ROBO2: variants seen among roughly 807,000 people sequenced by gnomAD.
ROBO2 encodes the protein roundabout homolog 2.
A neutral mutation model predicts 160.8 loss-of-function variants in ROBO2; 53 were observed. The observed-to-expected ratio is 0.33, with a 90% confidence interval of 0.26 to 0.41. The LOEUF (loss-of-function observed/expected upper bound fraction) is 0.41. ROBO2 is among the 10% of genes least tolerant of loss of function. ROBO2 has a pLI of 1.00. For synonymous variants in ROBO2, 664 were observed against 611.7 expected (o/e 1.09, Z -1.26); for missense variants, 1,577 against 1,722.4 (o/e 0.92, Z 1.49).
chr3:77,410,543 TTCCTCCTCTTCTTCCTCCTCTTCTTCC>T (rs2076635408), intron 2 of ROBO2, among the ~76,000 whole-genome samples: 1 of 59,984 alleles, frequency 1.7e-5, no homozygotes, highest in Admixed American at 1.5e-4. Context: ...CCTCCTCTTC[TTCCTCCTCTTCTTCCTCCTCTTCTTCC>T]TCCTCCTCTT....
At chr3:76,418,491 G>T (rs554788396) in intron 2 of ROBO2, among the ~76,000 whole-genome samples, 4 of 152,138 alleles carry the variant, frequency 2.6e-5, no homozygotes, top group South Asian at 2.1e-4. Flanking sequence ...CACCCGCCTC[G>T]GCCTCCCAAG....
At chr3:76,603,331 C>CAAAAAAAAAAAAAAAAAAAAA in intron 2 of ROBO2, among the ~76,000 whole-genome samples, 1 of 37,192 alleles carries the variant, frequency 2.7e-5, no homozygotes, top group African/African-American at 1.4e-4. Flanking sequence ...GACTCCATCT[C>CAAAAAAAAAAAAAAAAAAAAA]CAAAAAAAAA....
intron 11 of ROBO2, among the ~76,000 whole-genome samples, chr3:77,563,596 G>C (rs1278600359): frequency 2.0e-5 from 3 of 152,048 alleles, no homozygotes; most frequent in Non-Finnish European, 4.4e-5. Flanking sequence ...TCTTTACCCA[G>C]ACCATTGTAG....
intron 2 of ROBO2, among the ~76,000 whole-genome samples, chr3:77,294,884 T>G (rs1173168604): frequency 6.6e-6 from 1 of 151,418 alleles, no homozygotes; most frequent in Non-Finnish European, 1.5e-5. Context: ...AAAGTAAAAT[T>G]GACAGTTAAA....
chr3:76,285,627 T>G (rs1708470816), intron 2 of ROBO2, among the ~76,000 whole-genome samples: 1 of 152,102 alleles, frequency 6.6e-6, no homozygotes, highest in South Asian at 2.1e-4. Context: ...AGAAAAGGCA[T>G]GAAAATAAGA....
At chr3:75,916,758 T>A (rs1203385507) in intron 1 of ROBO2, among the ~76,000 whole-genome samples, 1 of 151,896 alleles carries the variant, frequency 6.6e-6, no homozygotes, top group East Asian at 1.9e-4. Context: ...AAGGGGGAGA[T>A]AATGGTTAAA....
chr3:77,281,674 A>C (rs1214351647), intron 2 of ROBO2, among the ~76,000 whole-genome samples: 2 of 152,158 alleles, frequency 1.3e-5, no homozygotes, highest in African/African-American at 4.8e-5. Context: ...ATATACTTTA[A>C]ATCAGATGTC....
At chr3:77,014,800 A>G (rs781278865) in intron 2 of ROBO2, among the ~76,000 whole-genome samples, 9 of 152,026 alleles carry the variant, frequency 5.9e-5, no homozygotes, top group Non-Finnish European at 1.2e-4. Context: ...GAGAGAAAGA[A>G]AGCCAGCTTA....
chr3:77,476,007 C>G (rs2083951564), intron 2 of ROBO2, among the ~76,000 whole-genome samples: 1 of 152,204 alleles, frequency 6.6e-6, no homozygotes, highest in Non-Finnish European at 1.5e-5. Context: ...TTATTTCTTA[C>G]TGCTCCTTCA....
chr3:76,958,288 C>T (rs2079420292), intron 2 of ROBO2, among the ~76,000 whole-genome samples: 1 of 152,160 alleles, frequency 6.6e-6, no homozygotes, highest in African/African-American at 2.4e-5. Flanking sequence ...TTACCTCCTC[C>T]TCCCCATATT....
At chr3:76,717,982 A>G (rs2093409042) in intron 2 of ROBO2, among the ~76,000 whole-genome samples, 1 of 152,350 alleles carries the variant, frequency 6.6e-6, no homozygotes, top group Middle Eastern at 3.4e-3. Context: ...TTCAACTGAT[A>G]TAAGTATCAC....
At chr3:77,519,125 T>G (rs2090329866) in intron 5 of ROBO2, among the ~76,000 whole-genome samples, 1 of 151,436 alleles carries the variant, frequency 6.6e-6, no homozygotes. Context: ...AATATTTAAT[T>G]TTAACTTTTC....
intron 2 of ROBO2, among the ~76,000 whole-genome samples, chr3:76,498,541 TA>T (rs917739987): frequency 1.7e-4 from 26 of 151,812 alleles, no homozygotes; most frequent in Non-Finnish European, 3.7e-4. Flanking sequence ...TATATATTTC[TA>T]AATATTCTGT....
intron 4 of ROBO2, among the ~76,000 whole-genome samples, chr3:77,484,623 C>T (rs779892304): frequency 7.3e-5 from 11 of 151,648 alleles, no homozygotes; most frequent in Non-Finnish European, 1.6e-4. Flanking sequence ...TGTGCTTAAT[C>T]TGCTATTTAT....
At chr3:76,100,606 A>AAC (rs2069644175) in intron 2 of ROBO2, among the ~76,000 whole-genome samples, 1 of 152,218 alleles carries the variant, frequency 6.6e-6, no homozygotes, top group Non-Finnish European at 1.5e-5. Flanking sequence ...ATTGGGGGAT[A>AAC]TTAAGGAAAA....
intron 5 of ROBO2, among the ~76,000 whole-genome samples, chr3:77,514,792 A>G (rs879503277): frequency 6.6e-6 from 1 of 151,788 alleles, no homozygotes; most frequent in Admixed American, 6.6e-5. Context: ...TTAATATTAA[A>G]CATGGACCAA....
chr3:76,543,934 G>GAA (rs2082950355), intron 2 of ROBO2, among the ~76,000 whole-genome samples: 2 of 151,838 alleles, frequency 1.3e-5, no homozygotes, highest in Non-Finnish European at 2.9e-5. Flanking sequence ...GATCTTCAGG[G>GAA]GAAAAATATG....
At chr3:76,340,612 C>T (rs1330111023) in intron 2 of ROBO2, among the ~76,000 whole-genome samples, 1 of 152,074 alleles carries the variant, frequency 6.6e-6, no homozygotes, top group Non-Finnish European at 1.5e-5. Flanking sequence ...CATTCTAGGT[C>T]ACAAAGCATA....
At chr3:77,328,123 C>G (rs2065621821) in intron 2 of ROBO2, among the ~76,000 whole-genome samples, 1 of 151,024 alleles carries the variant, frequency 6.6e-6, no homozygotes, top group Admixed American at 6.6e-5. Flanking sequence ...CCTGTTTACT[C>G]ACCCGCTTTT....
Sources: gnomAD v4.1 joint callset for allele counts (sites outside exome capture counted in the v4.1 genomes callset) on GRCh38, gnomAD v4.1.1 for gene constraint, MANE v1.5 for transcripts, NCBI Gene and HGNC (gene_info 2026-07-23, HGNC 2026-07-21) for gene names.